Variants in ZNF782 observed in about 807,000 individuals in gnomAD.
ZNF782 encodes zinc finger protein 782.
Under a neutral mutation model 13.0 loss-of-function variants are expected in ZNF782, and 12 were observed. The ratio of observed to expected loss-of-function variants is 0.92; its 90% CI spans 0.59 to 1.50. The LOEUF (loss-of-function observed/expected upper bound fraction) is 1.50, where lower values mean the gene tolerates loss of function less well. Ranked by LOEUF, ZNF782 falls within the 40% of genes most tolerant of loss-of-function variation. ZNF782 has a pLI of 0.00. For missense variants in ZNF782, 770 were observed against 822.9 expected (o/e 0.94, Z 0.79); for synonymous variants, 284 against 283.0 (o/e 1.00, Z -0.04).
intron 4 of ZNF782, among the ~76,000 whole-genome samples, chr9:96,839,176 A>G (rs10816647): frequency 0.17 from 25,867 of 150,340 alleles, 5,356 homozygotes; most frequent in African/African-American, 0.49. Flanking sequence ...GTTTTTTTCC[A>G]TAGTGTTTAG....
At position 96,851,915 on chromosome 9, in the gene ZNF782, A is replaced by G. The variant is rs1347005878; in HGVS notation, c.15+32T>C. 1.9e-6 allele frequency: 3 copies of G among 1,608,424 alleles called. No individual in the cohort carries two copies. The African/African-American group carries it at 4.0e-5, about 22-fold the overall frequency. On this transcript the variant is annotated intron_variant, in intron 3 of 5. Coordinates refer to ENST00000481138, the MANE Select transcript of ZNF782 (RefSeq NM_001001662.3). ...ATCTAAACCTCATAAAATCCATTAC[A>G]ATACAAAGTGGGGAATGAATAAAAA...
At chr9:96,827,837 A>C (rs1437421008) in intron 4 of ZNF782, among the ~76,000 whole-genome samples, 2 of 152,254 alleles carry the variant, frequency 1.3e-5, no homozygotes, top group Non-Finnish European at 2.9e-5. Context: ...GGCAGTGCAG[A>C]CAGGGATCCT....
At chr9:96,925,430 G>A in the ZNF782 span, among the ~76,000 whole-genome samples, 2 of 152,104 alleles carry the variant, frequency 1.3e-5, no homozygotes, top group East Asian at 3.9e-4. Flanking sequence ...CTGAGGTCGG[G>A]GGTTCGAGAC....
chr9:96,865,748 G>T (rs181852747), intron 1 of ZNF782, among the ~76,000 whole-genome samples: 13 of 152,150 alleles, frequency 8.5e-5, no homozygotes, highest in African/African-American at 3.1e-4. Flanking sequence ...CTTCTTTAAC[G>T]GCTTTGACCA....
chr9:96,851,254 T>C (rs1032557096), intron 3 of ZNF782, among the ~76,000 whole-genome samples: 7 of 152,126 alleles, frequency 4.6e-5, no homozygotes, highest in African/African-American at 1.7e-4. Flanking sequence ...AAAAATTATA[T>C]TGAAAAAGTA....
chr9:96,887,327 A>AGGGAGGG, the ZNF782 span: 18 of 149,420 alleles, frequency 1.2e-4, no homozygotes, highest in African/African-American at 4.6e-4. Context: ...GGAAGGAAGG[A>AGGGAGGG]AGGAAGGAAG....
Position 96,826,153 on chromosome 9 carries a change from T to G in ZNF782, c.244+927A>C, listed in dbSNP as rs555554653. Among the ~76,000 whole-genome samples the G allele has an allele frequency of 5.3e-5, 8 of 152,300 alleles. No individual in the cohort carries two copies. The East Asian group carries it at 1.5e-3, about 29-fold the overall frequency. On this transcript the variant is annotated intron_variant, in intron 5 of 5. Transcript: ENST00000481138. ...AGCAAAGACTTGGAACCAACCCAAATGTCCAACAATGATAGACTGGATTAA... is the reference window on the plus strand; with the variant it reads ...AGCAAAGACTTGGAACCAACCCAAAGGTCCAACAATGATAGACTGGATTAA...
the ZNF782 span, chr9:96,902,817 T>C: frequency 2.8e-5 from 4 of 143,206 alleles, no homozygotes; most frequent in African/African-American, 8.0e-5. Flanking sequence ...TTATTATTAT[T>C]ATTTTGAAAC....
chr9:96,929,775 C>A, the ZNF782 span, among the ~76,000 whole-genome samples: 2 of 152,202 alleles, frequency 1.3e-5, no homozygotes, highest in Non-Finnish European at 2.9e-5. Context: ...CACTTCCTCT[C>A]GTCAGCTAGC....
At chr9:96,895,352 C>T in the ZNF782 span, 13 of 152,156 alleles carry the variant, frequency 8.5e-5, no homozygotes, top group Non-Finnish European at 1.6e-4. Flanking sequence ...GATGGAAAGC[C>T]TACTAAATTC....
At chr9:96,867,388 C>T (rs542528713) in intron 1 of ZNF782, among the ~76,000 whole-genome samples, 8 of 152,108 alleles carry the variant, frequency 5.3e-5, no homozygotes, top group South Asian at 2.1e-4. Flanking sequence ...TGCCTTCTGC[C>T]GTGATTGTGA....
chr9:96,834,305 C>T (rs1022979125), intron 4 of ZNF782, among the ~76,000 whole-genome samples: 2 of 152,210 alleles, frequency 1.3e-5, no homozygotes, highest in Non-Finnish European at 2.9e-5. Context: ...GGCACTCATT[C>T]TCTCTCCTGC....
rs1253856290 is a variant in ZNF782, at chr9:96,865,692, CAGA to C, written c.-456-4092_-456-4090del. 3.3e-5 allele frequency among the ~76,000 whole-genome samples: 5 copies of C among 152,248 alleles called. No homozygotes were observed. In the South Asian group the frequency reaches 6.2e-4, roughly 19 times the overall value. On this transcript the variant is annotated intron_variant, in intron 1 of 5. Transcript: ENST00000498811. ...AGAGGTTGGAACAGTTTGGAGGACTCAGAAGAAGACAGGAAAATATGGGAACGT... is the reference window on the plus strand; with the variant it reads ...AGAGGTTGGAACAGTTTGGAGGACTCAGAAGACAGGAAAATATGGGAACGT...
chr9:96,927,583 A>G, the ZNF782 span, among the ~76,000 whole-genome samples: 1 of 152,232 alleles, frequency 6.6e-6, no homozygotes, highest in Non-Finnish European at 1.5e-5. Flanking sequence ...TGGAGAGTTA[A>G]CAATAATTGC....
Position 96,818,730 on chromosome 9 carries a change from G to C in ZNF782, c.1293C>G (p.Phe431Leu), listed in dbSNP as rs778943438. ...PYKCDGCDKA[F>L]SAKSGLRIHQ... Reference sequence around the variant, plus strand: ...GTATTCTTAGGCCTGACTTTGCACTGAAAGCTTTATCACATCCATCACATT... The same window carrying C: ...GTATTCTTAGGCCTGACTTTGCACTCAAAGCTTTATCACATCCATCACATT... Residue 431 changes from phenylalanine (F) to leucine (L), a missense_variant, in exon 6 of 6, where the codon TTC becomes TTG. By Grantham distance (22) the Phe-to-Leu change is conservative. Coordinates refer to ENST00000481138, the MANE Select transcript of ZNF782 (RefSeq NM_001001662.3). 6.2e-7 allele frequency: 1 copy of C among 1,614,132 alleles called. No individual in the cohort carries two copies. Among genetic ancestry groups the C allele is most frequent in the Non-Finnish European group, 8.5e-7 (1 of 1,180,020 alleles).
Position 96,819,674 on chromosome 9 carries a change from T to C in ZNF782, c.349A>G (p.Ile117Val). 1 of 1,614,068 alleles carries C rather than the reference T, an allele frequency of 6.2e-7. No homozygotes were observed. The highest frequency in any genetic ancestry group is 8.5e-7 in the Non-Finnish European group (1 of 1,180,008). ...TNKLLTTEQE[I>V]SGKPHNRDIN... ...TCTCGATTATGTGGTTTTCCTGAAA[T>C]TTCTTGCTCTGTAGTCAATAATTTA... The change falls in exon 6 of 6, where the codon ATT (isoleucine) becomes GTT (valine). Residue 117 changes from isoleucine to valine, a missense_variant. Physicochemically the swap from Ile to Val is conservative, Grantham distance 29. Coordinates refer to ENST00000481138, the MANE Select transcript of ZNF782 (RefSeq NM_001001662.3).
upstream of ZNF782, among the ~76,000 whole-genome samples, chr9:96,854,785 A>AT (rs977401963): frequency 1.5e-4 from 22 of 149,872 alleles, no homozygotes; most frequent in South Asian, 4.2e-4. Flanking sequence ...TTGAACCAAC[A>AT]TTTTTTTTTT....
intron 1 of ZNF782, among the ~76,000 whole-genome samples, chr9:96,862,382 T>C (rs185213395): frequency 6.6e-6 from 1 of 151,620 alleles, no homozygotes; most frequent in Non-Finnish European, 1.5e-5. Flanking sequence ...TATAATTGAA[T>C]TATTTGTAAA....
At chr9:96,892,755 T>G in the ZNF782 span, 3 of 152,180 alleles carry the variant, frequency 2.0e-5, no homozygotes, top group African/African-American at 7.2e-5. Flanking sequence ...CAAGAAGAAA[T>G]AACTTTTTTC....
Sources: gnomAD v4.1 joint callset for allele counts (sites outside exome capture counted in the v4.1 genomes callset) on GRCh38, gnomAD v4.1.1 for gene constraint, MANE v1.5 for transcripts, NCBI Gene and HGNC (gene_info 2026-07-23, HGNC 2026-07-21) for gene names.